The following EFCAB12 variants were observed in gnomAD, a reference collection of about 807,000 sequenced individuals.
EFCAB12 encodes the protein EF-hand calcium binding domain 12.
EFCAB12 carries 43 observed loss-of-function variants against 53.6 expected under a neutral mutation model. The ratio of observed to expected loss-of-function variants is 0.80; its 90% confidence interval spans 0.63 to 1.03. The LOEUF (loss-of-function observed/expected upper bound fraction) is 1.03. Among genes scored for constraint, EFCAB12 ranks in the 50% least tolerant of loss-of-function variants. The pLI is 0.00. For synonymous variants in EFCAB12, 269 were observed against 289.2 expected (o/e 0.93, Z 0.71); for missense variants, 646 against 730.6 (o/e 0.88, Z 1.34).
chr3:129,411,467 T>C, intron 4 of EFCAB12, 113 bp from the exon 5 acceptor site: 1 of 1,127,984 alleles, frequency 8.9e-7, no homozygotes, highest in South Asian at 1.5e-5. Context: ...ACCCCTCCGC[T>C]CCCTTCCCAC....
chr3:129,404,479 G>T, intron 6 of EFCAB12, 76 bp from the exon 7 acceptor site: 1 of 1,384,850 alleles, frequency 7.2e-7, no homozygotes, highest in Non-Finnish European at 9.5e-7. Context: ...GGGGTCAGAG[G>T]AGGTGTTTTT....
At chr3:129,408,470 A>G (rs965154966) in intron 6 of EFCAB12, among the ~76,000 whole-genome samples, 175 bp downstream of exon 6, 1 of 152,000 alleles carries the variant, frequency 6.6e-6, no homozygotes, top group African/African-American at 2.4e-5. Context: ...TAGCAGCAAA[A>G]CAGACTGGGC....
intron 1 of EFCAB12, among the ~76,000 whole-genome samples, chr3:129,426,858 T>C (rs2072279350): frequency 6.8e-6 from 1 of 147,208 alleles, no homozygotes; most frequent in South Asian, 2.2e-4. Context: ...TTTTTTTTTT[T>C]TTTTTTTGAG....
At chr3:129,402,136 C>T (rs1472766624) in intron 8 of EFCAB12, among the ~76,000 whole-genome samples, 2 of 152,216 alleles carry the variant, frequency 1.3e-5, no homozygotes, top group African/African-American at 4.8e-5. Flanking sequence ...TAAGCGCGAA[C>T]CATCTGTTAT....
chr3:129,408,722 T>C lies in EFCAB12; in HGVS notation c.1172A>G (p.Asn391Ser), dbSNP rs771970311. The change falls in exon 6 of 9, where the codon AAC becomes AGC. Residue 391 changes from asparagine (N) to serine (S), a missense_variant. Coordinates refer to ENST00000505956, the MANE Select transcript of EFCAB12 (RefSeq NM_207307.3). ...CCAGCATTGCAGGTAGACCAGAAAG[T>C]TGTGCCTGCGGGCCGAGTCAATGAG... ...RELIDSARRH[N>S]FLVYLQCWKL... The C allele has an allele frequency of 5.2e-5, 82 of 1,586,982 alleles. No homozygotes were observed. The highest frequency in any genetic ancestry group is 6.8e-5 in the Non-Finnish European group (79 of 1,165,786).
rs551160696 is a variant in EFCAB12 at position 129,428,538 on chromosome 3, G to A, written c.-50C>T. On this transcript the variant is annotated 5_prime_UTR_variant, in exon 1 of 9. Coordinates refer to ENST00000505956, the MANE Select transcript of EFCAB12 (RefSeq NM_207307.3). Reference sequence around the variant, plus strand: ...TGAAGGGCGTGTGTGAATGTGTGTCGATGTGGGCTTGCTTGCGTAGGGGTA... The same window carrying A: ...TGAAGGGCGTGTGTGAATGTGTGTCAATGTGGGCTTGCTTGCGTAGGGGTA... The A allele has an allele frequency of 2.5e-6, 4 of 1,594,344 alleles. No individual in the cohort carries two copies. Among genetic ancestry groups the A allele is most frequent in the Non-Finnish European group, 3.4e-6 (4 of 1,169,096 alleles).
chr3:129,421,075 G>A (rs1407206032), intron 2 of EFCAB12, among the ~76,000 whole-genome samples: 3 of 152,264 alleles, frequency 2.0e-5, no homozygotes, highest in African/African-American at 7.2e-5. Flanking sequence ...CCAACATCCT[G>A]ACTGCAACCT....
In EFCAB12 at chr3:129,428,564, C is replaced by G. The variant is rs1400333831; in HGVS notation, c.-76G>C. On this transcript the variant is annotated 5_prime_UTR_variant, in exon 1 of 9. Transcript: ENST00000505956. Reference sequence around the variant, plus strand: ...ATGTGGGCTTGCTTGCGTAGGGGTACCGGGGTATCAGATAAACCGTAACTC... The same window carrying G: ...ATGTGGGCTTGCTTGCGTAGGGGTAGCGGGGTATCAGATAAACCGTAACTC... The G allele has an allele frequency of 7.8e-6, 12 of 1,537,612 alleles. No individual in the cohort carries two copies. Among genetic ancestry groups the G allele is most frequent in the Non-Finnish European group, 9.7e-6 (11 of 1,131,828 alleles).
rs755505346 is a variant in EFCAB12 at position 129,418,243 on chromosome 3, G to A, written c.681+11C>T. ...ACTTAGGCCCATCCAGAGAAAGCAG[G>A]TGGCACTTACTGCCTTTACAGCCGC... is the stretch of plus-strand genomic sequence containing the variant. On this transcript the variant is annotated intron_variant, in intron 3 of 8. Transcript: ENST00000505956. The A allele has an allele frequency of 6.3e-7, 1 of 1,599,946 alleles. No individual in the cohort carries two copies. The highest frequency in any genetic ancestry group is 8.5e-7 in the Non-Finnish European group (1 of 1,171,696).
At chr3:129,423,564 G>A (rs913399329) in intron 1 of EFCAB12, among the ~76,000 whole-genome samples, 83 of 152,134 alleles carry the variant, frequency 5.5e-4, no homozygotes, top group African/African-American at 1.9e-3. Flanking sequence ...GGAGGTCAAG[G>A]CTACAGTGAG....
At chr3:129,427,275 A>ATACTGTGC (rs2072285401) in intron 1 of EFCAB12, among the ~76,000 whole-genome samples, 2 of 152,110 alleles carry the variant, frequency 1.3e-5, no homozygotes, top group Admixed American at 6.5e-5. Flanking sequence ...CAGGCGTGAG[A>ATACTGTGC]TACTGTGCCC....
chr3:129,414,552 T>A lies in EFCAB12; in HGVS notation c.838+693A>T, dbSNP rs1299267241. On this transcript the variant is annotated intron_variant, in intron 4 of 8. Coordinates refer to ENST00000505956, the MANE Select transcript of EFCAB12 (RefSeq NM_207307.3). Reference sequence around the variant, plus strand: ...GGGTGCTAGAATGGGTGGGTGGTTGTAATGGTTCTTTTTTGTTTGTTTGTT... The same window carrying A: ...GGGTGCTAGAATGGGTGGGTGGTTGAAATGGTTCTTTTTTGTTTGTTTGTT... The A allele has an allele frequency of 2.0e-5, 3 of 152,244 alleles. No individual in the cohort carries two copies. In the East Asian group the frequency reaches 5.8e-4, roughly 29 times the overall value. The allele number at this position is 152,244 out of a possible 1,614,324, so 9.4% of individuals were successfully genotyped here.
At chr3:129,421,915 C>T in intron 1 of EFCAB12, 112 bp from the exon 2 acceptor site, 1 of 1,065,862 alleles carries the variant, frequency 9.4e-7, no homozygotes, top group Non-Finnish European at 1.3e-6. Context: ...GGATCCCAGG[C>T]CAGGCTTTAT....
intron 3 of EFCAB12, 85 bp from the exon 4 acceptor site, chr3:129,415,486 AC>A (rs762633387): frequency 5.9e-6 from 9 of 1,528,902 alleles, no homozygotes; most frequent in Non-Finnish European, 6.2e-6. Context: ...GCCTCCTCAG[AC>A]CCCCATCCTG....
In EFCAB12 at chr3:129,423,723, T is replaced by C. The variant is rs567257078; in HGVS notation, c.50-1920A>G. On this transcript the variant is annotated intron_variant, in intron 1 of 8. Transcript: ENST00000505956. ...AACCCAAACTCCCTTGCTTAAAACC[T>C]GTCCATGGCTCCTAACTGCCTCTAG... is the stretch of plus-strand genomic sequence containing the variant. Among the ~76,000 whole-genome samples the C allele has an allele frequency of 2.0e-5, 3 of 152,320 alleles. No homozygotes were observed. The East Asian group carries it at 5.8e-4, about 29-fold the overall frequency.
rs763621061 is a variant in EFCAB12 at position 129,415,327 on chromosome 3, G to T, written c.756C>A (p.Thr252=). The T allele has an allele frequency of 1.1e-5, 18 of 1,613,514 alleles. 2 individuals are homozygous for T. In the Middle Eastern group the frequency reaches 5.1e-4, roughly 46 times the overall value. Residue 252 remains threonine, a synonymous_variant, in exon 4 of 9, where the codon ACC becomes ACA. Transcript: ENST00000505956. ...IYLSSLGKHN[T]ITMDILANTY... ...TATTGGCCAGGATATCCATGGTGAT[G>T]GTGTTGTGCTTCCCAAGAGAGCTGA...
intron 3 of EFCAB12, among the ~76,000 whole-genome samples, chr3:129,416,763 T>C (rs565441597): frequency 6.6e-6 from 1 of 152,118 alleles, no homozygotes; most frequent in Admixed American, 6.5e-5. Context: ...GATCCTCCCA[T>C]CTGACCCTCC....
At chr3:129,410,583 G>T (rs925181422) in intron 5 of EFCAB12, among the ~76,000 whole-genome samples, 2 of 152,112 alleles carry the variant, frequency 1.3e-5, no homozygotes, top group African/African-American at 4.8e-5. Context: ...CTCTCAAAGC[G>T]CTGGGCTAAC....
chr3:129,406,086 A>C (rs898960722), intron 6 of EFCAB12, among the ~76,000 whole-genome samples: 1 of 150,392 alleles, frequency 6.6e-6, no homozygotes, highest in African/African-American at 2.5e-5. Context: ...TCTGGTGGGG[A>C]CAGACAAAGA....
Sources: allele counts gnomAD v4.1 joint callset (sites outside exome capture counted in the v4.1 genomes callset), GRCh38; gene constraint gnomAD v4.1.1; transcripts MANE v1.5; gene names NCBI Gene and HGNC (gene_info 2026-07-23, HGNC 2026-07-21).